Variants in TEAD1 observed in about 807,000 individuals in gnomAD.
TEAD1 encodes transcriptional enhancer factor TEF-1.
In TEAD1, 9 loss-of-function variants were observed where a neutral mutation model predicts 54.9. The observed-to-expected ratio is 0.16, with a 90% CI of 0.10 to 0.29. TEAD1 has a LOEUF of 0.29. Among genes scored for constraint, TEAD1 ranks in the 10% least tolerant of loss-of-function variants. The pLI is 1.00. For synonymous variants in TEAD1, 200 were observed against 187.8 expected (o/e 1.07, Z -0.53); for missense variants, 387 against 535.9 (o/e 0.72, Z 2.74).
At chr11:12,862,143 T>C in intron 3 of TEAD1, 107 bp from the exon 4 acceptor site, 7 of 842,368 alleles carry the variant, frequency 8.3e-6, no homozygotes, top group Non-Finnish European at 1.4e-5. Context: ...AAACACATAG[T>C]TGTAATTTTA....
intron 9 of TEAD1, among the ~76,000 whole-genome samples, chr11:12,887,094 T>G (rs1564978119): frequency 5.7e-3 from 2 of 348 alleles, no homozygotes; most frequent in African/African-American, 0.014. Context: ...TTTTTTTTTG[T>G]TTGTTTTTTT....
intron 10 of TEAD1, among the ~76,000 whole-genome samples, chr11:12,905,711 C>T (rs760123409): frequency 6.6e-6 from 1 of 152,196 alleles, no homozygotes; most frequent in Non-Finnish European, 1.5e-5. Context: ...ATTTTTGTTA[C>T]AACAGAGACT....
In TEAD1 at chr11:12,930,120, CAT is replaced by C. The variant is rs1355765888; in HGVS notation, c.1015-53_1015-52del. 12 of 1,608,926 alleles carry C rather than the reference CAT, an allele frequency of 7.5e-6. No individual in the cohort carries two copies. In the Admixed American group the frequency reaches 1.3e-4, roughly 18 times the overall value. On this transcript the variant is annotated intron_variant, in intron 11 of 12. Transcript: ENST00000527636. ...CTTTTATGGGCAGTAATATCTGTTT[CAT>C]GTGTTTTGGAGTCAAAAGTGTAAAA...
At chr11:12,859,870 G>GT (rs1467113853) in intron 3 of TEAD1, among the ~76,000 whole-genome samples, 2 of 152,174 alleles carry the variant, frequency 1.3e-5, no homozygotes, top group Non-Finnish European at 2.9e-5. Flanking sequence ...AGACCTAGGA[G>GT]TTTAAGTTGG....
intron 2 of TEAD1, among the ~76,000 whole-genome samples, chr11:12,713,266 T>C (rs1943981894): frequency 6.6e-6 from 1 of 152,278 alleles, no homozygotes; most frequent in Admixed American, 6.5e-5. Flanking sequence ...GTGGTTTTCC[T>C]GCCTCAGCCT....
intron 5 of TEAD1, among the ~76,000 whole-genome samples, chr11:12,868,542 A>G (rs1451486867): frequency 6.6e-6 from 1 of 152,208 alleles, no homozygotes; most frequent in Non-Finnish European, 1.5e-5. Flanking sequence ...TCTCCTGAAA[A>G]TCCGTTAGAA....
intron 2 of TEAD1, among the ~76,000 whole-genome samples, chr11:12,759,687 CCT>C (rs1945062583): frequency 6.6e-6 from 1 of 152,112 alleles, no homozygotes; most frequent in Non-Finnish European, 1.5e-5. Flanking sequence ...ATGGTGAAAC[CCT>C]GTCTCTACTA....
chr11:12,776,761 TTATTATTA>T (rs1564935868), intron 3 of TEAD1, among the ~76,000 whole-genome samples: 1 of 32,572 alleles, frequency 3.1e-5, no homozygotes, highest in African/African-American at 1.2e-4. Context: ...TGGATATTTA[TTATTATTA>T]TTATTATTAT....
intron 2 of TEAD1, among the ~76,000 whole-genome samples, chr11:12,747,930 A>G (rs1944781220): frequency 6.6e-6 from 1 of 151,942 alleles, no homozygotes; most frequent in African/African-American, 2.4e-5. Flanking sequence ...CTGCTCTGCC[A>G]TATGGATTCT....
At chr11:12,755,606 A>G (rs1944968393) in intron 2 of TEAD1, among the ~76,000 whole-genome samples, 1 of 152,178 alleles carries the variant, frequency 6.6e-6, no homozygotes. Flanking sequence ...TACTGCTAAC[A>G]GTTGGGACGT....
At chr11:12,709,822 C>G (rs779115230) in intron 2 of TEAD1, among the ~76,000 whole-genome samples, 5 of 152,152 alleles carry the variant, frequency 3.3e-5, no homozygotes, top group Non-Finnish European at 5.9e-5. Context: ...AGTTACCATG[C>G]CCAGCCCTGA....
At chr11:12,809,973 T>TC (rs1946261653) in intron 3 of TEAD1, among the ~76,000 whole-genome samples, 2 of 70,546 alleles carry the variant, frequency 2.8e-5, no homozygotes, top group Non-Finnish European at 5.7e-5. Flanking sequence ...CTTTCCCCAT[T>TC]CTTTTTTTTT....
intron 11 of TEAD1, 32 bp from the exon 12 acceptor site, chr11:12,930,142 G>C (rs778784236): frequency 5.6e-6 from 9 of 1,614,036 alleles, no homozygotes; most frequent in Non-Finnish European, 5.1e-6. Context: ...AGTCAAAAGT[G>C]TAAAAATACT....
chr11:12,694,757 G>C (rs1414060259), intron 2 of TEAD1, among the ~76,000 whole-genome samples: 1 of 152,078 alleles, frequency 6.6e-6, no homozygotes, highest in Non-Finnish European at 1.5e-5. Context: ...TACGCTAATT[G>C]GTGTTAGCTA....
intron 9 of TEAD1, among the ~76,000 whole-genome samples, chr11:12,883,847 A>G (rs541396643): frequency 2.1e-4 from 32 of 152,070 alleles, no homozygotes; most frequent in Non-Finnish European, 4.1e-4. Context: ...CCCCGTCTCT[A>G]CTAAAAATAC....
At chr11:12,680,394 G>T (rs1256247870) in intron 2 of TEAD1, among the ~76,000 whole-genome samples, 1 of 152,232 alleles carries the variant, frequency 6.6e-6, no homozygotes, top group Non-Finnish European at 1.5e-5. Flanking sequence ...GAAACCAAAT[G>T]ACTTCATTTG....
intron 5 of TEAD1, among the ~76,000 whole-genome samples, chr11:12,874,277 G>T (rs1219401104): frequency 1.3e-5 from 2 of 152,158 alleles, no homozygotes; most frequent in African/African-American, 4.8e-5. Context: ...ATAATCAAAA[G>T]CTGAGAAGCA....
chr11:12,880,811 G>A (rs1947949711), intron 6 of TEAD1, among the ~76,000 whole-genome samples, 194 bp from the exon 7 acceptor site: 1 of 152,180 alleles, frequency 6.6e-6, no homozygotes, highest in Non-Finnish European at 1.5e-5. Context: ...GCGCTAAGGG[G>A]AGCTCTGGGT....
intron 2 of TEAD1, among the ~76,000 whole-genome samples, chr11:12,738,595 A>G (rs1488614158): frequency 1.3e-5 from 2 of 152,252 alleles, no homozygotes; most frequent in East Asian, 3.9e-4. Context: ...CCTTGTCCAC[A>G]TATAGGATCT....
Sources: gnomAD v4.1 joint callset for allele counts (sites outside exome capture counted in the v4.1 genomes callset) on GRCh38, gnomAD v4.1.1 for gene constraint, MANE v1.5 for transcripts, NCBI Gene and HGNC (gene_info 2026-07-23, HGNC 2026-07-21) for gene names.